UBA6: variants seen among roughly 807,000 people sequenced by gnomAD.
UBA6 encodes the protein ubiquitin like modifier activating enzyme 6.
Under a neutral mutation model 148.3 loss-of-function variants are expected in UBA6, and 87 were observed. That is an observed-to-expected ratio of 0.59 (90% CI 0.49 to 0.70). UBA6 has a LOEUF of 0.70. UBA6 is among the 30% of genes least tolerant of loss of function. The pLI is 0.00. For missense variants in UBA6, 1,186 were observed against 1,241.2 expected, an observed-to-expected ratio of 0.96 and a Z score of 0.67; for synonymous variants, 376 against 401.0, an observed-to-expected ratio of 0.94 and a Z score of 0.75.
intron 1 of UBA6, among the ~76,000 whole-genome samples, chr4:67,700,718 C>T (rs1730959090): frequency 6.6e-6 from 1 of 152,168 alleles, no homozygotes; most frequent in African/African-American, 2.4e-5. Context: ...CGGGGAAGCT[C>T]ACGCCAAGTG....
At chr4:67,635,077 T>C (rs1729104573) in intron 20 of UBA6, among the ~76,000 whole-genome samples, 1 of 147,528 alleles carries the variant, frequency 6.8e-6, no homozygotes, top group Non-Finnish European at 1.5e-5. Flanking sequence ...CCTAGGTTTA[T>C]TGGTTTACCT....
chr4:67,635,651 T>C, intron 19 of UBA6, 93 bp from the exon 20 acceptor site: 2 of 711,614 alleles, frequency 2.8e-6, no homozygotes, highest in Non-Finnish European at 5.0e-6. Flanking sequence ...CCATTTCACA[T>C]ACTGATCACT....
chr4:67,694,699 A>G (rs777505829), intron 2 of UBA6, among the ~76,000 whole-genome samples: 19 of 152,026 alleles, frequency 1.2e-4, no homozygotes, highest in Non-Finnish European at 2.8e-4. Context: ...GCCTGGCCAC[A>G]TCTTTGTATT....
intron 18 of UBA6, among the ~76,000 whole-genome samples, chr4:67,639,809 T>C (rs1729260903): frequency 6.6e-6 from 1 of 152,102 alleles, no homozygotes; most frequent in African/African-American, 2.4e-5. Context: ...CATAACAATA[T>C]ACATTAACAA....
intron 19 of UBA6, among the ~76,000 whole-genome samples, chr4:67,635,979 TTTC>T (rs1729129365): frequency 1.3e-5 from 2 of 152,172 alleles, no homozygotes; most frequent in South Asian, 4.1e-4. Context: ...AAAGTTTTAT[TTTC>T]TTCCCCTCTT....
At chr4:67,687,768 T>C (rs1029372281) in intron 2 of UBA6, among the ~76,000 whole-genome samples, 1 of 152,184 alleles carries the variant, frequency 6.6e-6, no homozygotes, top group African/African-American at 2.4e-5. Flanking sequence ...TTGCTAAGGA[T>C]AATCGCTTCC....
chr4:67,661,908 T>C (rs2109932194), intron 13 of UBA6: 1 of 423,690 alleles, frequency 2.4e-6, no homozygotes, highest in Non-Finnish European at 4.1e-6. Context: ...TAAAGAATAA[T>C]AGTAACAGTT....
Position 67,630,554 on chromosome 4 carries a change from A to T in UBA6, c.2259-19T>A. ...GAGGTGCCTTTTGAAATTAAAAAATAAAGCAAAATTTGAATGTACAGTTTT... is the reference window on the plus strand; with the variant it reads ...GAGGTGCCTTTTGAAATTAAAAAATTAAGCAAAATTTGAATGTACAGTTTT... On this transcript the variant is annotated intron_variant, in intron 25 of 32. Coordinates refer to ENST00000322244, the MANE Select transcript of UBA6 (RefSeq NM_018227.6). 1 of 1,534,744 alleles carries T rather than the reference A, an allele frequency of 6.5e-7. No homozygotes were observed. Among genetic ancestry groups the T allele is most frequent in the Non-Finnish European group, 8.8e-7 (1 of 1,133,032 alleles).
At chr4:67,630,720 T>C (rs756766463) in intron 25 of UBA6, among the ~76,000 whole-genome samples, 185 bp from the exon 26 acceptor site, 20 of 152,034 alleles carry the variant, frequency 1.3e-4, no homozygotes, top group Non-Finnish European at 2.5e-4. Flanking sequence ...ACAGAAGTTA[T>C]AAAAGACAAA....
At chr4:67,690,583 C>G (rs1420282097) in intron 2 of UBA6, among the ~76,000 whole-genome samples, 1 of 152,016 alleles carries the variant, frequency 6.6e-6, no homozygotes, top group Non-Finnish European at 1.5e-5. Context: ...ATGCCTATAA[C>G]TCAATACCAA....
chr4:67,627,490 G>T (rs1340238912), intron 27 of UBA6, among the ~76,000 whole-genome samples: 1 of 151,910 alleles, frequency 6.6e-6, no homozygotes, highest in Non-Finnish European at 1.5e-5. Context: ...AAAACATACC[G>T]AAGCAAGAGC....
intron 13 of UBA6, among the ~76,000 whole-genome samples, chr4:67,659,871 G>C (rs1206115177): frequency 6.6e-6 from 1 of 152,190 alleles, no homozygotes; most frequent in Non-Finnish European, 1.5e-5. Flanking sequence ...AGTCCAGCCT[G>C]AGGCGGTCTC....
intron 13 of UBA6, among the ~76,000 whole-genome samples, chr4:67,657,826 C>CAAAAAAA (rs57984969): frequency 3.5e-5 from 4 of 115,154 alleles, no homozygotes; most frequent in Admixed American, 9.1e-5. Flanking sequence ...AACAAATTTA[C>CAAAAAAA]AAAAAAAAAA....
chr4:67,653,843 T>C (rs1354505711), intron 13 of UBA6, among the ~76,000 whole-genome samples: 1 of 152,190 alleles, frequency 6.6e-6, no homozygotes, highest in African/African-American at 2.4e-5. Flanking sequence ...AGACCTTAAA[T>C]GACCTGATGG....
intron 2 of UBA6, among the ~76,000 whole-genome samples, chr4:67,684,208 G>C (rs139308636): frequency 6.6e-6 from 1 of 152,116 alleles, no homozygotes; most frequent in Non-Finnish European, 1.5e-5. Context: ...TCTTTAGAAG[G>C]GCATGCTTAC....
chr4:67,665,854 G>C (rs1438932428), intron 9 of UBA6, among the ~76,000 whole-genome samples: 1 of 152,046 alleles, frequency 6.6e-6, no homozygotes, highest in African/African-American at 2.4e-5. Context: ...TCAGATAAAA[G>C]CATGGGAGAA....
rs375418919 is a variant in UBA6 at position 67,678,544 on chromosome 4, GA to G, written c.259-12del. ...ATGAATTGTAACTGCCTTCAAAAAA[GA>G]AAAAAGTATTGGTTGAAGTCAGGAG... On this transcript the variant is annotated splice_polypyrimidine_tract_variant and intron_variant, in intron 4 of 32. Transcript: ENST00000322244. The G allele has an allele frequency of 6.4e-7, 1 of 1,553,266 alleles. No individual in the cohort carries two copies. The highest frequency in any genetic ancestry group is 2.3e-5 in the East Asian group (1 of 43,782).
chr4:67,668,409 G>T, intron 9 of UBA6, 142 bp downstream of exon 9: 1 of 717,996 alleles, frequency 1.4e-6, no homozygotes, highest in Non-Finnish European at 2.3e-6. Flanking sequence ...GTTTAACAAT[G>T]TCTTCACTTG....
At chr4:67,674,735 T>C (rs1444736513) in intron 6 of UBA6, among the ~76,000 whole-genome samples, 1 of 152,250 alleles carries the variant, frequency 6.6e-6, no homozygotes, top group Non-Finnish European at 1.5e-5. Context: ...TAGAAAATTC[T>C]CAGCCACAAT....
Sources: allele counts gnomAD v4.1 joint callset (sites outside exome capture counted in the v4.1 genomes callset), GRCh38; gene constraint gnomAD v4.1.1; transcripts MANE v1.5; gene names NCBI Gene and HGNC (gene_info 2026-07-23, HGNC 2026-07-21).